Variants in EML5 observed in about 807,000 individuals in gnomAD.
EML5 encodes EMAP like 5, also known as echinoderm microtubule-associated protein-like 5.
Under a neutral mutation model 250.0 loss-of-function variants are expected in EML5, and 120 were observed. The observed-to-expected ratio is 0.48, with a 90% CI of 0.41 to 0.56. The LOEUF (loss-of-function observed/expected upper bound fraction) is 0.56. EML5 is among the 20% of genes least tolerant of loss of function. The pLI, the probability that EML5 is intolerant of heterozygous loss-of-function variation, is 0.00. For missense variants in EML5, 2,006 were observed against 2,437.6 expected (o/e 0.82, Z 3.73); for synonymous variants, 771 against 806.5 (o/e 0.96, Z 0.75).
At chr14:88,728,976 G>A (rs546111975) in intron 7 of EML5, among the ~76,000 whole-genome samples, 1 of 151,896 alleles carries the variant, frequency 6.6e-6, no homozygotes, top group South Asian at 2.1e-4. Flanking sequence ...ATTGTTACTA[G>A]TTTATAGGAA....
At chr14:88,750,224 T>C (rs2094071741) in intron 2 of EML5, among the ~76,000 whole-genome samples, 1 of 152,126 alleles carries the variant, frequency 6.6e-6, no homozygotes, top group South Asian at 2.1e-4. Flanking sequence ...CAGGGTGACT[T>C]TGGACAATTA....
At chr14:88,744,848 C>T (rs950278443) in intron 3 of EML5, among the ~76,000 whole-genome samples, 1 of 152,004 alleles carries the variant, frequency 6.6e-6, no homozygotes, top group Admixed American at 6.6e-5. Context: ...CTAAAATGTA[C>T]ACTTCACATT....
At chr14:88,770,315 T>A (rs899351057) in intron 1 of EML5, among the ~76,000 whole-genome samples, 2 of 152,216 alleles carry the variant, frequency 1.3e-5, no homozygotes, top group African/African-American at 2.4e-5. Context: ...TTATAATTCA[T>A]GCTTTTTGTG....
At chr14:88,717,698 T>C (rs1166634533) in intron 8 of EML5, among the ~76,000 whole-genome samples, 4 of 152,166 alleles carry the variant, frequency 2.6e-5, no homozygotes, top group Admixed American at 1.3e-4. Context: ...GAGGTTGCAG[T>C]GAGCTGAGAT....
At chr14:88,665,686 G>A (rs1434831657) in intron 21 of EML5, among the ~76,000 whole-genome samples, 197 bp from the exon 22 acceptor site, 2 of 152,148 alleles carry the variant, frequency 1.3e-5, no homozygotes, top group East Asian at 3.9e-4. Flanking sequence ...TAGGGGAAGG[G>A]GCAAGGGGCA....
In EML5 at chr14:88,613,913, G is replaced by C. The variant is rs1272812589; in HGVS notation, c.*1905C>G. On this transcript the variant is annotated 3_prime_UTR_variant, in exon 44 of 44. Coordinates refer to ENST00000554922, the MANE Select transcript of EML5 (RefSeq NM_183387.3). ...CGTTGCTGGCTGATACAGCGAGGTG[G>C]TCAGCTGATGACTACTTAGTCAATA... is the stretch of plus-strand genomic sequence containing the variant. 6.6e-6 allele frequency: 1 copy of C among 152,200 alleles called. No individual in the cohort carries two copies. Among genetic ancestry groups the C allele is most frequent in the Non-Finnish European group, 1.5e-5 (1 of 68,038 alleles). 9.4% of individuals were successfully genotyped at this position (152,200 alleles called of 1,614,324 possible).
At position 88,618,256 on chromosome 14, in the gene EML5, C is replaced by T; in HGVS notation, c.5614G>A (p.Asp1872Asn). 1 of 1,613,720 alleles carries T rather than the reference C, an allele frequency of 6.2e-7. No individual in the cohort carries two copies. The highest frequency in any genetic ancestry group is 8.5e-7 in the Non-Finnish European group (1 of 1,179,820). Residue 1872 changes from aspartate to asparagine, a missense_variant, in exon 41 of 44, where the codon GAC becomes AAC. Asp to Asn is a conservative substitution (Grantham distance 23). Coordinates refer to ENST00000554922, the MANE Select transcript of EML5 (RefSeq NM_183387.3). ...GTCCATGTAGCCCAAGTAATTCTGT[C>T]AATAGCGGCATGATCCATAAGATGT... ...GKHLMDHAAI[D>N]RITWATWTSI... is the part of the protein sequence containing the mutation.
At chr14:88,699,974 A>G (rs1428235383) in intron 14 of EML5, among the ~76,000 whole-genome samples, 2 of 152,104 alleles carry the variant, frequency 1.3e-5, no homozygotes, top group Non-Finnish European at 2.9e-5. Flanking sequence ...ACACATATAT[A>G]CACACACACA....
At chr14:88,768,632 G>A (rs1355396389) in intron 1 of EML5, among the ~76,000 whole-genome samples, 5 of 152,012 alleles carry the variant, frequency 3.3e-5, no homozygotes, top group Non-Finnish European at 5.9e-5. Context: ...GGCTGGTCTC[G>A]AACTCCTGAC....
At chr14:88,764,776 C>T (rs965976114) in intron 1 of EML5, among the ~76,000 whole-genome samples, 3 of 152,060 alleles carry the variant, frequency 2.0e-5, no homozygotes, top group African/African-American at 7.2e-5. Flanking sequence ...TGTATTTTCA[C>T]TTTCTTCTTC....
At chr14:88,622,054 A>G (rs532037790) in intron 37 of EML5, 2 of 311,972 alleles carry the variant, frequency 6.4e-6, no homozygotes, top group South Asian at 2.5e-5. Flanking sequence ...GTCCGCCTCC[A>G]GTAACCACTA....
At chr14:88,664,367 G>T in intron 23 of EML5, 126 bp downstream of exon 23, 12 of 691,132 alleles carry the variant, frequency 1.7e-5, no homozygotes, top group East Asian at 1.1e-4. Context: ...AAATAATTTT[G>T]AGAATAATGG....
Position 88,620,718 on chromosome 14 carries a change from T to C in EML5, c.5375+36A>G, listed in dbSNP as rs2088739378. Reference sequence around the variant, plus strand: ...TTTTACAAATGGAAGTTAAATCAAGTATATACTAGAAACTCTATTCCATTT... The same window carrying C: ...TTTTACAAATGGAAGTTAAATCAAGCATATACTAGAAACTCTATTCCATTT... On this transcript the variant is annotated intron_variant, in intron 39 of 43. Transcript: ENST00000554922. The surrounding 1 kb of genome is among the most constrained non-coding windows in gnomAD (Gnocchi z 4.3). 2 of 1,468,106 alleles carry C rather than the reference T, an allele frequency of 1.4e-6. No homozygotes were observed. Among genetic ancestry groups the C allele is most frequent in the East Asian group, 4.9e-5 (2 of 40,818 alleles). 90.9% of individuals were successfully genotyped at this position (1,468,106 alleles called of 1,614,324 possible).
At chr14:88,688,136 G>T (rs1476872042) in intron 18 of EML5, 135 bp downstream of exon 18, 1 of 813,466 alleles carries the variant, frequency 1.2e-6, no homozygotes, top group Admixed American at 2.3e-5. Flanking sequence ...ACAAAGAAAG[G>T]TCAAGATGAC....
In EML5 at chr14:88,792,430, C is replaced by T; in HGVS notation, c.74G>A (p.Arg25His). ...GGCCGCAGTGTAGTAGAGGTTGTTG[C>T]GGCACTGGTGGCCCCGGTAGCCGTA... is the stretch of plus-strand genomic sequence containing the variant. ...WVYGYRGHQC[R>H]NNLYYTAAKE... is the part of the protein sequence containing the mutation. The change falls in exon 1 of 44, where the codon CGC becomes CAC. Residue 25 changes from arginine to histidine, a missense_variant. Around this residue, in one of 7 missense-constraint regions of EML5, gnomAD observed 162 missense variants for 212.2 expected, o/e 0.76. Coordinates refer to ENST00000554922, the MANE Select transcript of EML5 (RefSeq NM_183387.3). The surrounding 1 kb of genome is among the most constrained non-coding windows in gnomAD (Gnocchi z 6.9). The T allele has an allele frequency of 6.5e-7, 1 of 1,547,340 alleles. No individual in the cohort carries two copies. The highest frequency in any genetic ancestry group is 8.7e-7 in the Non-Finnish European group (1 of 1,147,046).
chr14:88,635,130 T>A (rs2090650305), intron 32 of EML5, among the ~76,000 whole-genome samples: 1 of 152,222 alleles, frequency 6.6e-6, no homozygotes, highest in Admixed American at 6.5e-5. Context: ...AACCAAACTT[T>A]TCAAAGTAGC....
chr14:88,792,817 G>A lies in EML5; in HGVS notation c.-314C>T, dbSNP rs1231550830. The A allele has an allele frequency of 2.2e-6, 2 of 905,430 alleles. No homozygotes were observed. Among genetic ancestry groups the A allele is most frequent in the African/African-American group, 1.8e-5 (1 of 55,936 alleles). 56.1% of individuals were successfully genotyped at this position (905,430 alleles called of 1,614,324 possible). A position where few individuals can be genotyped will look rare whatever the true frequency, so the allele number is the denominator to read the frequency against. On this transcript the variant is annotated 5_prime_UTR_variant, in exon 1 of 44. Transcript: ENST00000554922. The surrounding 1 kb of genome is among the most constrained non-coding windows in gnomAD (Gnocchi z 6.9). Reference sequence around the variant, plus strand: ...CGTAGCGCCTGGGCCGAGAGCGAGGGCCCGCCTCCAGCTCCTCAGCCGCCG... The same window carrying A: ...CGTAGCGCCTGGGCCGAGAGCGAGGACCCGCCTCCAGCTCCTCAGCCGCCG...
intron 1 of EML5, among the ~76,000 whole-genome samples, chr14:88,791,537 A>G (rs184581871): frequency 3.3e-5 from 5 of 152,338 alleles, no homozygotes; most frequent in East Asian, 1.9e-4. Context: ...AGAAATGTCA[A>G]CAAGCTCTGG....
In EML5 at chr14:88,744,063, T is replaced by C; in HGVS notation, c.485A>G (p.Gln162Arg). 2 of 1,575,850 alleles carry C rather than the reference T, an allele frequency of 1.3e-6. No individual in the cohort carries two copies. Among genetic ancestry groups the C allele is most frequent in the Non-Finnish European group, 8.6e-7 (1 of 1,157,812 alleles). ...RIFDISWDLY[Q>R]PNKLVSCGVK... is the part of the protein sequence containing the mutation. ...ACCACAGCTGACAAGTTTATTTGGCTGGTACAAATCCCAAGAAATATCAAA... is the reference window on the plus strand; with the variant it reads ...ACCACAGCTGACAAGTTTATTTGGCCGGTACAAATCCCAAGAAATATCAAA... Residue 162 changes from glutamine (Q) to arginine (R), a missense_variant, in exon 4 of 44, where the codon CAG becomes CGG. Around this residue, in one of 7 missense-constraint regions of EML5, gnomAD observed 162 missense variants for 212.2 expected, o/e 0.76. Coordinates refer to ENST00000554922, the MANE Select transcript of EML5 (RefSeq NM_183387.3).
Sources: gnomAD v4.1 joint callset for allele counts (sites outside exome capture counted in the v4.1 genomes callset) on GRCh38, gnomAD v4.1.1 for gene constraint, gnomAD v4.1.1 regional missense constraint, Gnocchi (gnomAD v3.1) non-coding constraint, MANE v1.5 for transcripts, NCBI Gene and HGNC (gene_info 2026-07-23, HGNC 2026-07-21) for gene names.